The following GPM6A variants were observed in gnomAD, a reference collection of about 807,000 sequenced individuals.
GPM6A encodes glycoprotein M6A, also known as neuronal membrane glycoprotein M6-a.
In GPM6A, 7 loss-of-function variants were observed where a neutral mutation model predicts 32.1. That is an observed-to-expected ratio of 0.22 (90% CI 0.12 to 0.41). The LOEUF (loss-of-function observed/expected upper bound fraction) is 0.41. Among genes scored for constraint, GPM6A ranks in the 10% least tolerant of loss-of-function variants. GPM6A has a pLI of 1.00. For missense variants in GPM6A, 235 were observed against 347.2 expected (o/e 0.68, Z 2.57); for synonymous variants, 130 against 123.4 (o/e 1.05, Z -0.35).
At chr4:175,782,920 C>T (rs1360607751) in intron 1 of GPM6A, among the ~76,000 whole-genome samples, 1 of 150,776 alleles carries the variant, frequency 6.6e-6, no homozygotes, top group Non-Finnish European at 1.5e-5. Context: ...GTAAAATTAA[C>T]ACAGACATGG....
chr4:175,783,885 A>C (rs1733701777), intron 1 of GPM6A, among the ~76,000 whole-genome samples: 1 of 152,080 alleles, frequency 6.6e-6, no homozygotes, highest in Admixed American at 6.5e-5. Flanking sequence ...TGAAATATCT[A>C]CCAATTACAA....
At chr4:175,679,053 A>G (rs1352802757) in intron 2 of GPM6A, among the ~76,000 whole-genome samples, 1 of 152,106 alleles carries the variant, frequency 6.6e-6, no homozygotes, top group Non-Finnish European at 1.5e-5. Flanking sequence ...TTGTATTTCA[A>G]TTTCATCAAC....
intron 1 of GPM6A, among the ~76,000 whole-genome samples, chr4:175,772,416 G>T (rs1433977985): frequency 6.6e-6 from 1 of 152,164 alleles, no homozygotes; most frequent in Non-Finnish European, 1.5e-5. Flanking sequence ...TTGCAAGAGT[G>T]TATCACTGAC....
chr4:175,730,098 A>T (rs1406453415), intron 1 of GPM6A, among the ~76,000 whole-genome samples: 2 of 151,898 alleles, frequency 1.3e-5, no homozygotes, highest in Admixed American at 1.3e-4. Flanking sequence ...AAATTTTACA[A>T]ATAAATATAA....
intron 1 of GPM6A, among the ~76,000 whole-genome samples, chr4:175,941,993 A>T (rs1320073386): frequency 2.0e-5 from 3 of 152,096 alleles, no homozygotes; most frequent in Non-Finnish European, 4.4e-5. Context: ...TACACTCCCA[A>T]CAACAATGTA....
chr4:175,897,097 C>G (rs1737818114), intron 1 of GPM6A, among the ~76,000 whole-genome samples: 1 of 151,956 alleles, frequency 6.6e-6, no homozygotes, highest in Non-Finnish European at 1.5e-5. Context: ...GAATAGGGGA[C>G]AGAAGAGCCA....
intron 1 of GPM6A, among the ~76,000 whole-genome samples, chr4:175,874,505 G>T (rs954151730): frequency 2.6e-5 from 4 of 152,058 alleles, no homozygotes; most frequent in Non-Finnish European, 4.4e-5. Context: ...GGGGAGGGAG[G>T]AGTAAACACT....
At chr4:175,760,437 A>G (rs1197599681) in intron 1 of GPM6A, among the ~76,000 whole-genome samples, 1 of 152,140 alleles carries the variant, frequency 6.6e-6, no homozygotes, top group Non-Finnish European at 1.5e-5. Context: ...GACAAGCAAC[A>G]CAACAACCTT....
chr4:175,808,242 TTAAA>T (rs1447609385), intron 1 of GPM6A, among the ~76,000 whole-genome samples: 1 of 152,176 alleles, frequency 6.6e-6, no homozygotes, highest in Non-Finnish European at 1.5e-5. Flanking sequence ...GTACTGTATA[TTAAA>T]TATACTTTAT....
At chr4:175,663,708 T>G (rs1160311679) in intron 3 of GPM6A, among the ~76,000 whole-genome samples, 1 of 151,794 alleles carries the variant, frequency 6.6e-6, no homozygotes, top group Admixed American at 6.6e-5. Flanking sequence ...TTTTTTTTTT[T>G]TTTGAGATGG....
intron 1 of GPM6A, among the ~76,000 whole-genome samples, chr4:175,769,923 A>G (rs1733119190): frequency 2.0e-5 from 3 of 152,228 alleles, no homozygotes; most frequent in African/African-American, 7.2e-5. Context: ...ACATTCCACT[A>G]AAATATTCAG....
intron 1 of GPM6A, among the ~76,000 whole-genome samples, chr4:175,865,553 T>C (rs1393689769): frequency 1.3e-5 from 2 of 152,224 alleles, no homozygotes; most frequent in African/African-American, 4.8e-5. Flanking sequence ...AGTTTTCCAA[T>C]CCATGAACAT....
chr4:175,769,975 G>A (rs772193276), intron 1 of GPM6A, among the ~76,000 whole-genome samples: 4 of 152,094 alleles, frequency 2.6e-5, no homozygotes, highest in East Asian at 1.9e-4. Context: ...ATTTTTGCAC[G>A]TTTGACCTAT....
At chr4:175,662,367 A>T (rs897606104) in intron 3 of GPM6A, among the ~76,000 whole-genome samples, 3 of 152,156 alleles carry the variant, frequency 2.0e-5, no homozygotes, top group Middle Eastern at 6.3e-3. Flanking sequence ...TCAGAGGCTG[A>T]GGTGGGTGGA....
intron 1 of GPM6A, among the ~76,000 whole-genome samples, chr4:175,891,094 T>C (rs1460277905): frequency 6.6e-6 from 1 of 152,152 alleles, no homozygotes; most frequent in African/African-American, 2.4e-5. Context: ...ATAGGCTTAA[T>C]ATTCTTCTAC....
chr4:175,800,728 A>AATACTGAATAC (rs1490951340), intron 1 of GPM6A: 2 of 192,216 alleles, frequency 1.0e-5, no homozygotes, highest in Non-Finnish European at 2.3e-5. Context: ...TGCCTGGGTT[A>AATACTGAATAC]CATTCAATAC....
chr4:175,717,954 T>C (rs1163900468), intron 1 of GPM6A, among the ~76,000 whole-genome samples: 1 of 152,192 alleles, frequency 6.6e-6, no homozygotes, highest in Non-Finnish European at 1.5e-5. Context: ...CTTTAAACAG[T>C]ATATAAAATT....
chr4:175,890,567 T>G (rs921949293), intron 1 of GPM6A, among the ~76,000 whole-genome samples: 5 of 151,596 alleles, frequency 3.3e-5, no homozygotes, highest in Admixed American at 1.3e-4. Flanking sequence ...TTTTATTATT[T>G]TATTTTATTA....
chr4:175,940,987 G>A (rs903494321), intron 1 of GPM6A, among the ~76,000 whole-genome samples: 1 of 152,230 alleles, frequency 6.6e-6, no homozygotes, highest in Non-Finnish European at 1.5e-5. Flanking sequence ...ACTCTGGCTG[G>A]TCTTCCATTT....
Sources: allele counts gnomAD v4.1 joint callset (sites outside exome capture counted in the v4.1 genomes callset), GRCh38; gene constraint gnomAD v4.1.1; transcripts MANE v1.5; gene names NCBI Gene and HGNC (gene_info 2026-07-23, HGNC 2026-07-21).